Variants in CNTN6 observed in about 807,000 individuals in gnomAD.
CNTN6 encodes contactin 6.
In CNTN6, 137 loss-of-function variants were observed where a neutral mutation model predicts 122.8. The ratio of observed to expected loss-of-function variants is 1.12; its 90% CI spans 0.97 to 1.29. The LOEUF (loss-of-function observed/expected upper bound fraction) is 1.29. Ranked by LOEUF, CNTN6 falls within the 50% of genes most tolerant of loss-of-function variation. CNTN6 has a pLI of 0.00. For missense variants in CNTN6, 1,634 were observed against 1,223.4 expected (o/e 1.34, Z -5.01); for synonymous variants, 570 against 426.0 (o/e 1.34, Z -4.16).
chr3:1,267,854 G>T (rs1340476302), intron 4 of CNTN6, among the ~76,000 whole-genome samples: 1 of 151,790 alleles, frequency 6.6e-6, no homozygotes, highest in African/African-American at 2.4e-5. Context: ...GCCATTCAGG[G>T]CTTCCTCAGC....
chr3:1,203,846 A>C (rs4684081), intron 2 of CNTN6, among the ~76,000 whole-genome samples: 57,288 of 152,150 alleles, frequency 0.38, 11,252 homozygotes, highest in East Asian at 0.56. Context: ...GATGGTGGTA[A>C]CTTAGGATTA....
chr3:1,354,849 C>G (rs1487385183), intron 12 of CNTN6, among the ~76,000 whole-genome samples: 1 of 151,454 alleles, frequency 6.6e-6, no homozygotes, highest in Non-Finnish European at 1.5e-5. Flanking sequence ...TTTTTACATG[C>G]ATTCACTTTC....
At chr3:1,403,142 T>C (rs895730990) in intron 22 of CNTN6, among the ~76,000 whole-genome samples, 176 bp from the exon 23 acceptor site, 8 of 152,110 alleles carry the variant, frequency 5.3e-5, no homozygotes, top group African/African-American at 1.7e-4. Flanking sequence ...TCAGATGTCC[T>C]TGGACAAAGA....
chr3:1,375,180 A>G (rs1294724725), intron 16 of CNTN6, among the ~76,000 whole-genome samples: 1 of 152,122 alleles, frequency 6.6e-6, no homozygotes, highest in East Asian at 1.9e-4. Context: ...GGTGTTGTCC[A>G]TGACTCTGGA....
At chr3:1,200,071 T>TC (rs2093840237) in intron 2 of CNTN6, among the ~76,000 whole-genome samples, 11 of 152,294 alleles carry the variant, frequency 7.2e-5, no homozygotes, top group African/African-American at 2.6e-4. Flanking sequence ...TATATATATT[T>TC]TTTAAGATGA....
At chr3:1,114,425 G>C (rs960186628) in intron 1 of CNTN6, among the ~76,000 whole-genome samples, 2 of 152,140 alleles carry the variant, frequency 1.3e-5, no homozygotes, top group African/African-American at 4.8e-5. Flanking sequence ...TAATGACATA[G>C]AATAGCATCC....
chr3:1,255,090 A>G (rs771778311), intron 4 of CNTN6, among the ~76,000 whole-genome samples: 10 of 152,078 alleles, frequency 6.6e-5, no homozygotes, highest in Admixed American at 1.3e-4. Flanking sequence ...GGCTTTTACC[A>G]TGGTAGCTGG....
Position 1,388,496 on chromosome 3 carries a change from C to A in CNTN6, c.2704+2699C>A, listed in dbSNP as rs375739246. 3.3e-3 allele frequency among the ~76,000 whole-genome samples: 506 copies of A among 151,630 alleles called. 1 individual carries two copies. Among genetic ancestry groups the A allele is most frequent in the African/African-American group, 7.5e-3 (307 of 41,176 alleles). ...AACAGAAAAACTGGAAACTCTAAAA[C>A]GCAGAGCGCCTCTCCTCCTCCAAGG... On this transcript the variant is annotated intron_variant, in intron 20 of 22. Coordinates refer to ENST00000446702, the MANE Select transcript of CNTN6 (RefSeq NM_001289080.2).
chr3:1,204,779 A>G (rs565685195), intron 2 of CNTN6, among the ~76,000 whole-genome samples: 3 of 152,262 alleles, frequency 2.0e-5, no homozygotes, highest in East Asian at 3.9e-4. Context: ...TCTCTAACAT[A>G]TATAACTCTT....
At chr3:1,396,698 C>T (rs886898117) in intron 20 of CNTN6, among the ~76,000 whole-genome samples, 6 of 152,114 alleles carry the variant, frequency 3.9e-5, no homozygotes, top group Admixed American at 6.6e-5. Flanking sequence ...AGTAAGAAAC[C>T]ACAGCTACTT....
chr3:1,268,825 A>T (rs2094973421), intron 4 of CNTN6, among the ~76,000 whole-genome samples: 1 of 151,936 alleles, frequency 6.6e-6, no homozygotes, highest in African/African-American at 2.4e-5. Context: ...AAGCCAGTTT[A>T]AAAGTTCAAG....
intron 4 of CNTN6, among the ~76,000 whole-genome samples, chr3:1,235,592 C>G (rs74517783): frequency 0.061 from 9,324 of 152,170 alleles, 329 homozygotes; most frequent in Admixed American, 0.09. Context: ...GGCGGATAAG[C>G]AGCAAGACTA....
chr3:1,301,656 T>C (rs781095253), intron 7 of CNTN6, among the ~76,000 whole-genome samples: 3 of 152,188 alleles, frequency 2.0e-5, no homozygotes, highest in Non-Finnish European at 4.4e-5. Flanking sequence ...TTATGTTTAT[T>C]AAATGAAGGC....
At chr3:1,252,088 A>C (rs527302099) in intron 4 of CNTN6, among the ~76,000 whole-genome samples, 1 of 152,208 alleles carries the variant, frequency 6.6e-6, no homozygotes, top group Non-Finnish European at 1.5e-5. Context: ...ATACCATTGG[A>C]TTTCTGTTTT....
At chr3:1,297,279 T>A (rs1696407590) in intron 6 of CNTN6, among the ~76,000 whole-genome samples, 1 of 152,166 alleles carries the variant, frequency 6.6e-6, no homozygotes, top group Non-Finnish European at 1.5e-5. Flanking sequence ...TTAAATAATC[T>A]TGAGATGTCA....
Position 1,098,106 on chromosome 3 carries a change from G to T in CNTN6, c.-83+4986G>T, listed in dbSNP as rs907578505. On this transcript the variant is annotated intron_variant, in intron 1 of 22. Transcript: ENST00000446702. ...AAGGGTATATTTGCGGGGGGGGGAGGGATAGCATTGGGAGATATACCTAAT... is the reference window on the plus strand; with the variant it reads ...AAGGGTATATTTGCGGGGGGGGGAGTGATAGCATTGGGAGATATACCTAAT... Among the ~76,000 whole-genome samples, 49 of 151,230 alleles carry T rather than the reference G, an allele frequency of 3.2e-4. 1 individual carries two copies. The highest frequency in any genetic ancestry group is 2.9e-5 in the Non-Finnish European group (2 of 67,836).
At chr3:1,391,312 T>C (rs1257115749) in intron 20 of CNTN6, among the ~76,000 whole-genome samples, 345 of 119,496 alleles carry the variant, frequency 2.9e-3, no homozygotes, top group East Asian at 4.8e-3. Flanking sequence ...ACCACATAAT[T>C]ATCTCAATAG....
At chr3:1,221,140 G>A (rs1193808841) in intron 3 of CNTN6, among the ~76,000 whole-genome samples, 4 of 151,868 alleles carry the variant, frequency 2.6e-5, no homozygotes, top group Middle Eastern at 3.4e-3. Context: ...CCTTATTGTG[G>A]TCAGAAATGA....
chr3:1,387,115 T>G (rs1280280684), intron 20 of CNTN6, among the ~76,000 whole-genome samples: 2 of 151,190 alleles, frequency 1.3e-5, no homozygotes, highest in African/African-American at 4.8e-5. Context: ...TATCTATTTA[T>G]TAAATAGAAA....
Sources: gnomAD v4.1 joint callset for allele counts (sites outside exome capture counted in the v4.1 genomes callset) on GRCh38, gnomAD v4.1.1 for gene constraint, MANE v1.5 for transcripts, NCBI Gene and HGNC (gene_info 2026-07-23, HGNC 2026-07-21) for gene names.